The following CSMD1 variants were observed in gnomAD, a reference collection of about 807,000 sequenced individuals.
The protein encoded by CSMD1 is CUB and sushi domain-containing protein 1.
A neutral mutation model predicts 417.5 loss-of-function variants in CSMD1; 213 were observed. The observed-to-expected ratio is 0.51, with a 90% CI of 0.46 to 0.57. The LOEUF (loss-of-function observed/expected upper bound fraction) is 0.57. Ranked by LOEUF, CSMD1 falls within the 20% of genes least tolerant of loss-of-function variation. CSMD1 has a pLI of 0.00. For missense variants in CSMD1, 6,923 were observed against 4,529.7 expected (o/e 1.53, Z -15.17); for synonymous variants, 2,862 against 1,736.8 (o/e 1.65, Z -16.11).
chr8:4,199,826 A>G (rs902583286), intron 3 of CSMD1, among the ~76,000 whole-genome samples: 2 of 152,192 alleles, frequency 1.3e-5, no homozygotes, highest in Admixed American at 6.5e-5. Context: ...TTTCCACTAG[A>G]TAACAGCAGC....
intron 5 of CSMD1, among the ~76,000 whole-genome samples, chr8:3,824,203 G>A (rs1380704643): frequency 6.6e-6 from 1 of 151,608 alleles, no homozygotes; most frequent in Non-Finnish European, 1.5e-5. Flanking sequence ...AATTTATCCT[G>A]ACAGAGTTGT....
chr8:3,783,984 T>C (rs553905575), intron 5 of CSMD1, among the ~76,000 whole-genome samples: 2 of 152,356 alleles, frequency 1.3e-5, no homozygotes, highest in Admixed American at 1.3e-4. Context: ...CTTCCTCTTC[T>C]GGTGCCTGAC....
At chr8:3,675,281 C>G (rs1388072600) in intron 7 of CSMD1, among the ~76,000 whole-genome samples, 1 of 152,170 alleles carries the variant, frequency 6.6e-6, no homozygotes, top group African/African-American at 2.4e-5. Context: ...TTCCCCTGCT[C>G]CTGGAGGGTT....
At chr8:4,322,769 C>G (rs1051193913) in intron 3 of CSMD1, among the ~76,000 whole-genome samples, 1 of 152,226 alleles carries the variant, frequency 6.6e-6, no homozygotes, top group Non-Finnish European at 1.5e-5. Flanking sequence ...CAGAGGTAGG[C>G]GGATCACTTG....
intron 26 of CSMD1, among the ~76,000 whole-genome samples, chr8:3,241,072 G>GGA (rs1389099770): frequency 2.0e-5 from 3 of 148,436 alleles, no homozygotes; most frequent in Non-Finnish European, 4.5e-5. Context: ...AAGGTGAGGG[G>GGA]ATACAAGAGG....
At chr8:4,281,454 T>G (rs1170110766) in intron 3 of CSMD1, among the ~76,000 whole-genome samples, 2 of 152,118 alleles carry the variant, frequency 1.3e-5, no homozygotes, top group Non-Finnish European at 2.9e-5. Flanking sequence ...AGGAAACAAT[T>G]TGAGACTGGC....
At chr8:4,395,242 CTTCTT>C (rs1196055299) in intron 3 of CSMD1, among the ~76,000 whole-genome samples, 1 of 152,164 alleles carries the variant, frequency 6.6e-6, no homozygotes, top group Non-Finnish European at 1.5e-5. Context: ...AACTGTTTAT[CTTCTT>C]TTATCTTCTC....
chr8:4,733,963 T>G (rs1187770731), intron 1 of CSMD1, among the ~76,000 whole-genome samples: 2 of 152,198 alleles, frequency 1.3e-5, no homozygotes, highest in African/African-American at 4.8e-5. Flanking sequence ...GAAGTTAGAA[T>G]TATGCCCCTA....
chr8:4,203,745 TATAC>T (rs1364156419), intron 3 of CSMD1, among the ~76,000 whole-genome samples: 1 of 152,050 alleles, frequency 6.6e-6, no homozygotes, highest in East Asian at 1.9e-4. Context: ...TACACGCACA[TATAC>T]ATATAGACAT....
At chr8:3,377,960 G>C (rs1585076148) in intron 18 of CSMD1, among the ~76,000 whole-genome samples, 1 of 152,160 alleles carries the variant, frequency 6.6e-6, no homozygotes, top group African/African-American at 2.4e-5. Context: ...ATTGAGGTCA[G>C]AAAAGTCAGT....
chr8:3,218,611 T>G (rs1798021403), intron 29 of CSMD1, among the ~76,000 whole-genome samples: 1 of 146,226 alleles, frequency 6.8e-6, no homozygotes, highest in African/African-American at 2.5e-5. Context: ...GTGACTCACG[T>G]CTATAATCAC....
At position 3,403,466 on chromosome 8, in the gene CSMD1, T is replaced by C. The variant is rs137933992; in HGVS notation, c.2266+2561A>G. 6.8e-4 allele frequency among the ~76,000 whole-genome samples: 103 copies of C among 152,342 alleles called. 1 individual carries two copies. The highest frequency in any genetic ancestry group is 2.1e-3 in the African/African-American group (88 of 41,580). ...TAGGTTTCTCAACGCAGGTAGACTTTTAACATCTTTTCCTATTAACTTTTT... is the reference window on the plus strand; with the variant it reads ...TAGGTTTCTCAACGCAGGTAGACTTCTAACATCTTTTCCTATTAACTTTTT... On this transcript the variant is annotated intron_variant, in intron 15 of 69. Coordinates refer to ENST00000635120, the MANE Select transcript of CSMD1 (RefSeq NM_033225.6).
At chr8:3,612,889 G>A (rs1031120834) in intron 8 of CSMD1, among the ~76,000 whole-genome samples, 18 of 151,916 alleles carry the variant, frequency 1.2e-4, no homozygotes, top group African/African-American at 4.3e-4. Context: ...AGAACAAATG[G>A]AGCCCATAGT....
At chr8:3,663,285 G>C (rs1419006315) in intron 7 of CSMD1, among the ~76,000 whole-genome samples, 1 of 152,162 alleles carries the variant, frequency 6.6e-6, no homozygotes, top group African/African-American at 2.4e-5. Flanking sequence ...TGACAGACAG[G>C]GGTGGGATGT....
intron 17 of CSMD1, among the ~76,000 whole-genome samples, chr8:3,390,158 C>T (rs1261638695): frequency 1.3e-5 from 2 of 151,790 alleles, no homozygotes; most frequent in African/African-American, 2.4e-5. Context: ...AGTTTGAGAC[C>T]AGCCTGGCCA....
chr8:4,462,055 T>C (rs1276581360), intron 2 of CSMD1, among the ~76,000 whole-genome samples: 1 of 151,914 alleles, frequency 6.6e-6, no homozygotes, highest in African/African-American at 2.4e-5. Flanking sequence ...TCTTATTTTT[T>C]ATAGGGATGA....
chr8:3,971,619 C>G (rs1813095524), intron 5 of CSMD1, among the ~76,000 whole-genome samples: 1 of 152,128 alleles, frequency 6.6e-6, no homozygotes, highest in Non-Finnish European at 1.5e-5. Context: ...ACTTCTACTT[C>G]TATTTCCTCA....
intron 3 of CSMD1, among the ~76,000 whole-genome samples, chr8:4,114,103 G>A (rs1015378352): frequency 6.6e-6 from 1 of 152,196 alleles, no homozygotes; most frequent in Non-Finnish European, 1.5e-5. Flanking sequence ...GGAAGAAGAT[G>A]CCATCTAGGA....
chr8:3,448,342 AG>A (rs1482472164), intron 12 of CSMD1, among the ~76,000 whole-genome samples: 1 of 76,868 alleles, frequency 1.3e-5, no homozygotes, highest in Non-Finnish European at 2.4e-5. Flanking sequence ...GGAGGGAGGG[AG>A]GGAGGAAGGA....
Sources: allele counts gnomAD v4.1 joint callset (sites outside exome capture counted in the v4.1 genomes callset), GRCh38; gene constraint gnomAD v4.1.1; transcripts MANE v1.5; gene names NCBI Gene and HGNC (gene_info 2026-07-23, HGNC 2026-07-21).